Variants in ZNF487 observed in about 807,000 individuals in gnomAD.
ZNF487 encodes KRAB domain only 1.
In ZNF487, 4 loss-of-function variants were observed where a neutral mutation model predicts 3.0. The observed-to-expected ratio is 1.35, with a 90% confidence interval of 0.66 to 3.08. The LOEUF (loss-of-function observed/expected upper bound fraction) is 3.08, where lower values mean the gene tolerates loss of function less well. Among genes scored for constraint, ZNF487 ranks in the 30% most tolerant of loss-of-function variants. The pLI is 0.01. For synonymous variants in ZNF487, 55 were observed against 34.6 expected, an observed-to-expected ratio of 1.59 and a Z score of -2.06; for missense variants, 146 against 98.7, an observed-to-expected ratio of 1.48 and a Z score of -2.03.
In ZNF487 at chr10:43,466,289, C is replaced by T. The variant is rs183315173; in HGVS notation, c.-93-9432C>T. On this transcript the variant is annotated intron_variant, in intron 1 of 3. Coordinates refer to ENST00000437590, the MANE Select transcript of ZNF487 (RefSeq NM_001355444.3). ...CAACTCCTGATCTCAGGTGATCTAC[C>T]CGTCTCAGCCTCCCAAAGTACTAGG... 1.8e-4 allele frequency among the ~76,000 whole-genome samples: 27 copies of T among 152,040 alleles called. No individual in the cohort carries two copies. In the Middle Eastern group the frequency reaches 0.01, roughly 58 times the overall value.
At position 43,482,448 on chromosome 10, in the gene ZNF487, G is replaced by A; in HGVS notation, c.*526G>A. The A allele has an allele frequency of 2.1e-6, 1 of 470,566 alleles. No homozygotes were observed. 29.1% of individuals were successfully genotyped at this position (470,566 alleles called of 1,614,324 possible). Reference sequence around the variant, plus strand: ...GAATGTGGGAAAACTTTTGGATATAGGTCATGCCTTGCAGTACATCAAAGA... The same window carrying A: ...GAATGTGGGAAAACTTTTGGATATAAGTCATGCCTTGCAGTACATCAAAGA... On this transcript the variant is annotated 3_prime_UTR_variant, in exon 4 of 4. Coordinates refer to ENST00000437590, the MANE Select transcript of ZNF487 (RefSeq NM_001355444.3).
chr10:43,457,085 A>G (rs1173894988), intron 1 of ZNF487, among the ~76,000 whole-genome samples: 3 of 152,026 alleles, frequency 2.0e-5, no homozygotes, highest in Non-Finnish European at 4.4e-5. Flanking sequence ...AAAGATGAAA[A>G]CCACTGAACT....
At chr10:43,443,569 T>G (rs1312241823) in intron 1 of ZNF487, among the ~76,000 whole-genome samples, 1 of 151,598 alleles carries the variant, frequency 6.6e-6, no homozygotes, top group Non-Finnish European at 1.5e-5. Context: ...AGATGAGGTG[T>G]CACCATGTTG....
At chr10:43,488,964 T>A in the ZNF487 span, among the ~76,000 whole-genome samples, 2,050 of 146,404 alleles carry the variant, frequency 0.014, 36 homozygotes, top group African/African-American at 0.048. Context: ...AAAAAAAAAA[T>A]ATGAAAAAAT....
the ZNF487 span, among the ~76,000 whole-genome samples, chr10:43,508,185 C>A: frequency 1.1e-4 from 17 of 152,268 alleles, no homozygotes; most frequent in African/African-American, 2.9e-4. Context: ...GTAAACCAAC[C>A]ATTGCCTTGC....
the ZNF487 span, among the ~76,000 whole-genome samples, chr10:43,507,546 A>C: frequency 0.73 from 111,571 of 152,162 alleles, 42,045 homozygotes; most frequent in East Asian, 0.93. Flanking sequence ...GAAAAAATAG[A>C]AGGAGCATTT....
intron 1 of ZNF487, among the ~76,000 whole-genome samples, chr10:43,456,463 C>G (rs1055699666): frequency 6.6e-5 from 10 of 152,202 alleles, no homozygotes; most frequent in Non-Finnish European, 1.0e-4. Flanking sequence ...CTCCAGCTGT[C>G]AGAGAGGTGA....
At chr10:43,488,925 T>C in the ZNF487 span, among the ~76,000 whole-genome samples, 1 of 151,700 alleles carries the variant, frequency 6.6e-6, no homozygotes, top group Non-Finnish European at 1.5e-5. Context: ...GAGACCAGCC[T>C]GGGCAATATG....
the ZNF487 span, among the ~76,000 whole-genome samples, chr10:43,498,278 TTTTC>T: frequency 2.2e-5 from 3 of 138,840 alleles, no homozygotes; most frequent in African/African-American, 8.0e-5. Flanking sequence ...ATATATATTT[TTTTC>T]TTTTTTCTTT....
Position 43,481,448 on chromosome 10 carries a change from C to T in ZNF487, c.150C>T (p.Asp50=), listed in dbSNP as rs1841353806. The T allele has an allele frequency of 4.2e-6, 3 of 715,380 alleles. No homozygotes were observed. Among genetic ancestry groups the T allele is most frequent in the Non-Finnish European group, 7.8e-6 (3 of 384,652 alleles). 44.3% of individuals were successfully genotyped at this position (715,380 alleles called of 1,614,324 possible). The change falls in exon 4 of 4, where the codon GAC becomes GAT. Residue 50 remains aspartate, a synonymous_variant. Coordinates refer to ENST00000437590, the MANE Select transcript of ZNF487 (RefSeq NM_001355444.3). ...TTCTAGACTGCTGCATAGATGATGACCTGATGGAGAAGAGACAGGAAAATC... is the reference window on the plus strand; with the variant it reads ...TTCTAGACTGCTGCATAGATGATGATCTGATGGAGAAGAGACAGGAAAATC... ...QSHLDCCIDD[D]LMEKRQENQD...
At chr10:43,485,805 G>A (rs1841465672), downstream of ZNF487, among the ~76,000 whole-genome samples, 1 of 152,220 alleles carries the variant, frequency 6.6e-6, no homozygotes, top group African/African-American at 2.4e-5. Flanking sequence ...ATTTTCTGGT[G>A]TTGCTGCTTG....
intron 1 of ZNF487, among the ~76,000 whole-genome samples, chr10:43,474,128 T>C (rs1373388255): frequency 2.0e-5 from 3 of 150,022 alleles, no homozygotes; most frequent in Non-Finnish European, 4.4e-5. Context: ...GCCACTGCAT[T>C]CCAGCCTGGG....
intron 1 of ZNF487, among the ~76,000 whole-genome samples, chr10:43,463,245 A>T (rs952116849): frequency 8.3e-5 from 12 of 143,944 alleles, no homozygotes; most frequent in East Asian, 2.0e-4. Flanking sequence ...AAAAAAAAAA[A>T]TTTTCTTTTT....
At chr10:43,522,513 T>G in the ZNF487 span, among the ~76,000 whole-genome samples, 1 of 151,812 alleles carries the variant, frequency 6.6e-6, no homozygotes, top group Non-Finnish European at 1.5e-5. Flanking sequence ...GTGGTAGGTT[T>G]ACCTGAGGTC....
At chr10:43,521,872 T>G in the ZNF487 span, among the ~76,000 whole-genome samples, 4 of 150,250 alleles carry the variant, frequency 2.7e-5, no homozygotes, top group African/African-American at 9.8e-5. Flanking sequence ...CACGTATATA[T>G]TATATATTAT....
chr10:43,498,146 G>T, the ZNF487 span, among the ~76,000 whole-genome samples: 1 of 43,336 alleles, frequency 2.3e-5, no homozygotes, highest in African/African-American at 9.4e-5. Context: ...TTTTTTTTTT[G>T]AGATGGAGTC....
intron 1 of ZNF487, chr10:43,458,117 G>T (rs1368719342): frequency 6.6e-6 from 1 of 152,162 alleles, no homozygotes; most frequent in African/African-American, 2.4e-5. Context: ...GTTTTTGCCA[G>T]TGTGAACCCA....
intron 1 of ZNF487, among the ~76,000 whole-genome samples, chr10:43,465,103 C>A (rs1262864842): frequency 6.7e-6 from 1 of 148,750 alleles, no homozygotes; most frequent in Admixed American, 6.6e-5. Flanking sequence ...CTGACCCCCC[C>A]ACCTCCCTCC....
At position 43,482,815 on chromosome 10, in the gene ZNF487, C is replaced by T. The variant is rs1287108275; in HGVS notation, c.*893C>T. 5 of 516,004 alleles carry T rather than the reference C, an allele frequency of 9.7e-6. No homozygotes were observed. Among genetic ancestry groups the T allele is most frequent in the African/African-American group, 2.0e-5 (1 of 51,136 alleles). 32.0% of individuals were successfully genotyped at this position (516,004 alleles called of 1,614,324 possible). A position where few individuals can be genotyped will look rare whatever the true frequency, so the allele number is the denominator to read the frequency against. Reference sequence around the variant, plus strand: ...CTTAGAGAACATCAGAGAATTCACACAGGGGAGAAACCCTATGAATGTAAT... The same window carrying T: ...CTTAGAGAACATCAGAGAATTCACATAGGGGAGAAACCCTATGAATGTAAT... On this transcript the variant is annotated 3_prime_UTR_variant, in exon 4 of 4. Coordinates refer to ENST00000437590, the MANE Select transcript of ZNF487 (RefSeq NM_001355444.3).
Sources: gnomAD v4.1 joint callset for allele counts (sites outside exome capture counted in the v4.1 genomes callset) on GRCh38, gnomAD v4.1.1 for gene constraint, MANE v1.5 for transcripts, NCBI Gene and HGNC (gene_info 2026-07-23, HGNC 2026-07-21) for gene names.